Variants in PPARGC1A observed in about 807,000 individuals in gnomAD.
The protein encoded by PPARGC1A is PPARG coactivator 1 alpha, also known as peroxisome proliferator-activated receptor gamma coactivator 1-alpha.
In PPARGC1A, 25 loss-of-function variants were observed where a neutral mutation model predicts 88.7. The observed-to-expected ratio is 0.28, with a 90% CI of 0.21 to 0.39. The LOEUF (loss-of-function observed/expected upper bound fraction) is 0.39, where lower values mean the gene tolerates loss of function less well. PPARGC1A is among the 10% of genes least tolerant of loss of function. PPARGC1A has a pLI of 1.00. For synonymous variants in PPARGC1A, 363 were observed against 355.6 expected (o/e 1.02, Z -0.24); for missense variants, 880 against 968.7 (o/e 0.91, Z 1.22).
chr4:24,042,529 T>C, the PPARGC1A span, among the ~76,000 whole-genome samples: 4 of 152,182 alleles, frequency 2.6e-5, no homozygotes, highest in African/African-American at 9.6e-5. Context: ...ATGCTACTTA[T>C]ATTCCTTAAG....
At chr4:24,068,880 C>T in the PPARGC1A span, among the ~76,000 whole-genome samples, 1 of 152,188 alleles carries the variant, frequency 6.6e-6, no homozygotes, top group Non-Finnish European at 1.5e-5. Context: ...GCACCTCCTT[C>T]TGCACTCCAG....
At chr4:24,055,389 G>C in the PPARGC1A span, among the ~76,000 whole-genome samples, 3 of 152,198 alleles carry the variant, frequency 2.0e-5, no homozygotes, top group Admixed American at 1.3e-4. Context: ...ACAGTTCCGT[G>C]AGCCTTAGTT....
chr4:24,392,063 A>C, the PPARGC1A span, among the ~76,000 whole-genome samples: 1 of 152,214 alleles, frequency 6.6e-6, no homozygotes, highest in Non-Finnish European at 1.5e-5. Flanking sequence ...GAGAAACCTG[A>C]TAGTTTTCCT....
chr4:24,000,134 C>G, the PPARGC1A span, among the ~76,000 whole-genome samples: 1 of 151,658 alleles, frequency 6.6e-6, no homozygotes, highest in African/African-American at 2.4e-5. Flanking sequence ...ATGTTTAAGT[C>G]TACCTGCAGA....
the PPARGC1A span, among the ~76,000 whole-genome samples, chr4:24,074,342 A>ATAATTATG: frequency 6.6e-6 from 1 of 152,082 alleles, no homozygotes; most frequent in African/African-American, 2.4e-5. Context: ...GAATAATTAT[A>ATAATTATG]CTTACAATTT....
At chr4:24,234,655 T>A in the PPARGC1A span, among the ~76,000 whole-genome samples, 1 of 152,198 alleles carries the variant, frequency 6.6e-6, no homozygotes, top group Non-Finnish European at 1.5e-5. Context: ...AGGAGAAAAG[T>A]AAGACGCTTA....
chr4:24,317,555 T>TTAAAAAAAAAAAA, the PPARGC1A span, among the ~76,000 whole-genome samples: 1 of 22,208 alleles, frequency 4.5e-5, no homozygotes, highest in African/African-American at 1.0e-4. Context: ...TTCAGAGGAC[T>TTAAAAAAAAAAAA]AAAAAAAAAA....
chr4:23,848,312 T>C (rs1728671593), intron 2 of PPARGC1A, among the ~76,000 whole-genome samples: 1 of 152,154 alleles, frequency 6.6e-6, no homozygotes, highest in Non-Finnish European at 1.5e-5. Flanking sequence ...AAGTAGACTA[T>C]AACAACCGGC....
At chr4:23,843,039 G>A (rs1727344109) in intron 2 of PPARGC1A, among the ~76,000 whole-genome samples, 1 of 151,960 alleles carries the variant, frequency 6.6e-6, no homozygotes, top group South Asian at 2.1e-4. Flanking sequence ...ACAGCATATT[G>A]GTTATTCACT....
chr4:24,041,623 T>C, the PPARGC1A span, among the ~76,000 whole-genome samples: 1 of 152,188 alleles, frequency 6.6e-6, no homozygotes, highest in Admixed American at 6.5e-5. Context: ...TGTTGAGGGT[T>C]ACACACCCCT....
the PPARGC1A span, among the ~76,000 whole-genome samples, chr4:24,081,743 AT>A: frequency 0.018 from 2,687 of 145,874 alleles, 63 homozygotes; most frequent in African/African-American, 0.058. Context: ...TAAGAACACA[AT>A]TTTTTTTTTT....
chr4:24,444,065 T>G, the PPARGC1A span, among the ~76,000 whole-genome samples: 1 of 151,592 alleles, frequency 6.6e-6, no homozygotes, highest in Admixed American at 6.6e-5. Context: ...AGAGAAAGAG[T>G]CTCATTATGT....
At chr4:24,349,718 G>GCTAT in the PPARGC1A span, among the ~76,000 whole-genome samples, 1 of 152,172 alleles carries the variant, frequency 6.6e-6, no homozygotes, top group African/African-American at 2.4e-5. Context: ...CTTACCCGAA[G>GCTAT]CTATCTGCCT....
chr4:23,989,057 T>C, the PPARGC1A span, among the ~76,000 whole-genome samples: 141 of 151,112 alleles, frequency 9.3e-4, no homozygotes, highest in Non-Finnish European at 1.2e-3. Context: ...AATCTTACAT[T>C]TGGACATTTC....
the PPARGC1A span, among the ~76,000 whole-genome samples, chr4:24,318,113 G>A: frequency 2.6e-5 from 4 of 152,204 alleles, no homozygotes; most frequent in African/African-American, 4.8e-5. Context: ...CCTGAAGCCA[G>A]TGTTGTGCTA....
chr4:24,111,718 T>C, the PPARGC1A span, among the ~76,000 whole-genome samples: 1 of 152,228 alleles, frequency 6.6e-6, no homozygotes, highest in Non-Finnish European at 1.5e-5. Flanking sequence ...GCTAATTGCA[T>C]GCTTAGGAGG....
chr4:24,326,882 G>C, the PPARGC1A span, among the ~76,000 whole-genome samples: 2 of 152,070 alleles, frequency 1.3e-5, no homozygotes, highest in African/African-American at 4.8e-5. Flanking sequence ...AATACTTTTA[G>C]AGGCCTTTCC....
the PPARGC1A span, among the ~76,000 whole-genome samples, chr4:24,414,703 C>A: frequency 6.6e-6 from 1 of 152,174 alleles, no homozygotes; most frequent in Non-Finnish European, 1.5e-5. Context: ...GCAGCTGGTG[C>A]TGAGAAGCAC....
intron 2 of PPARGC1A, chr4:23,884,483 C>A (rs981239801): frequency 1.5e-5 from 6 of 401,372 alleles, no homozygotes; most frequent in Admixed American, 1.3e-4. Context: ...CTTTCACAAC[C>A]CTTTAGTATT....
Sources: gnomAD v4.1 joint callset for allele counts (sites outside exome capture counted in the v4.1 genomes callset) on GRCh38, gnomAD v4.1.1 for gene constraint, MANE v1.5 for transcripts, NCBI Gene and HGNC (gene_info 2026-07-23, HGNC 2026-07-21) for gene names.